THAP11: variants seen among roughly 807,000 people sequenced by gnomAD.
The protein encoded by THAP11 is THAP domain-containing protein 11.
Under a neutral mutation model 24.1 loss-of-function variants are expected in THAP11, and 8 were observed. That is an observed-to-expected ratio of 0.33 (90% confidence interval 0.20 to 0.60). The LOEUF (loss-of-function observed/expected upper bound fraction) is 0.60, where lower values mean the gene tolerates loss of function less well. Among genes scored for constraint, THAP11 ranks in the 20% least tolerant of loss-of-function variants. The pLI, the probability that THAP11 is intolerant of heterozygous loss-of-function variation, is 0.82. For missense variants in THAP11, 276 were observed against 418.4 expected (o/e 0.66, Z 2.97); for synonymous variants, 222 against 180.2 (o/e 1.23, Z -1.86).
In THAP11 at chr16:67,842,895, A is replaced by G; in HGVS notation, c.341A>G (p.Gln114Arg). Residue 114 changes from glutamine to arginine, a missense_variant, in exon 1 of 1, where the codon CAG becomes CGG. Gln to Arg is a conservative substitution (Grantham distance 43). This residue lies in a region of THAP11 where 210 missense variants were observed against 203.4 expected (regional missense o/e 1.03). Coordinates refer to ENST00000303596, the MANE Select transcript of THAP11 (RefSeq NM_020457.3). This position sits in a 1 kb window ranked among gnomAD's most constrained non-coding sequence, Gnocchi z 4.9. ...CAGCAACAGCAGCAGCAGCAGCAAC[A>G]GCAGCAACAGCAGCAGCAGCAGCAA... ...QQQQQQQQQQ[Q>R]QQQQQQQQQQ... 1.3e-6 allele frequency: 2 copies of G among 1,587,310 alleles called. No homozygotes were observed. Among genetic ancestry groups the G allele is most frequent in the African/African-American group, 1.4e-5 (1 of 71,242 alleles).
Position 67,842,714 on chromosome 16 carries a change from CCCA to C in THAP11, c.165_167del (p.Thr56del). Reference sequence around the variant, plus strand: ...CAGTGGGTGCTTCTCCACCTTCCAGCCCACCACAGGCCACCGTCTCTGCAGCGT... The same window carrying C: ...CAGTGGGTGCTTCTCCACCTTCCAGCCCACAGGCCACCGTCTCTGCAGCGT... On this transcript the variant is annotated inframe_deletion, in exon 1 of 1. Coordinates refer to ENST00000303596, the MANE Select transcript of THAP11 (RefSeq NM_020457.3). This position sits in a 1 kb window ranked among gnomAD's most constrained non-coding sequence, Gnocchi z 4.9. 6.2e-7 allele frequency: 1 copy of C among 1,604,236 alleles called. No individual in the cohort carries two copies. Among genetic ancestry groups the C allele is most frequent in the East Asian group, 2.3e-5 (1 of 44,204 alleles).
At position 67,842,698 on chromosome 16, in the gene THAP11, C is replaced by T. The variant is rs754046362; in HGVS notation, c.144C>T (p.Cys48=). The T allele has an allele frequency of 4.4e-6, 7 of 1,596,302 alleles. No homozygotes were observed. In the South Asian group the frequency reaches 7.9e-5, roughly 18 times the overall value. Residue 48 remains cysteine (C), a synonymous_variant, in exon 1 of 1, where the codon TGC becomes TGT. Transcript: ENST00000303596. The surrounding 1 kb of genome is among the most constrained non-coding windows in gnomAD (Gnocchi z 4.9). ...TGTCGCGTGCCGGCGTCAGTGGGTG[C>T]TTCTCCACCTTCCAGCCCACCACAG... The part of the protein sequence containing the change: ...KNVSRAGVSG[C]FSTFQPTTGH...
chr16:67,842,920 ACAG>A lies in THAP11; in HGVS notation c.394_396del (p.Gln132del), dbSNP rs377516180. ...AGCAGCAACAGCAGCAGCAGCAGCAACAGCAGCAGCAGCAGCAGCAGCAGCAGC... is the reference window on the plus strand; with the variant it reads ...AGCAGCAACAGCAGCAGCAGCAGCAACAGCAGCAGCAGCAGCAGCAGCAGC... On this transcript the variant is annotated inframe_deletion, in exon 1 of 1. Coordinates refer to ENST00000303596, the MANE Select transcript of THAP11 (RefSeq NM_020457.3). The surrounding 1 kb of genome is among the most constrained non-coding windows in gnomAD (Gnocchi z 4.9). 264,248 of 1,303,228 alleles carry A rather than the reference ACAG, an allele frequency of 0.2. 12,780 individuals are homozygous for A. Among genetic ancestry groups the A allele is most frequent in the African/African-American group, 0.44 (30,571 of 69,248 alleles). The allele number at this position is 1,303,228 out of a possible 1,614,324, so 80.7% of individuals were successfully genotyped here. A position where few individuals can be genotyped will look rare whatever the true frequency, so the allele number is the denominator to read the frequency against.
At position 67,842,707 on chromosome 16, in the gene THAP11, C is replaced by G; in HGVS notation, c.153C>G (p.Thr51=). 1 of 1,602,044 alleles carries G rather than the reference C, an allele frequency of 6.2e-7. No individual in the cohort carries two copies. The highest frequency in any genetic ancestry group is 8.5e-7 in the Non-Finnish European group (1 of 1,174,360). Residue 51 remains threonine (T), a synonymous_variant, in exon 1 of 1, where the codon ACC becomes ACG. Coordinates refer to ENST00000303596, the MANE Select transcript of THAP11 (RefSeq NM_020457.3). This position sits in a 1 kb window ranked among gnomAD's most constrained non-coding sequence, Gnocchi z 4.9. The part of the protein sequence containing the change: ...SRAGVSGCFS[T]FQPTTGHRLC... ...CCGGCGTCAGTGGGTGCTTCTCCAC[C>G]TTCCAGCCCACCACAGGCCACCGTC...
chr16:67,843,250 A>G lies in THAP11; in HGVS notation c.696A>G (p.Val232=). 6.2e-7 allele frequency: 1 copy of G among 1,612,382 alleles called. No individual in the cohort carries two copies. The highest frequency in any genetic ancestry group is 1.3e-5 in the African/African-American group (1 of 75,040). ...CTATGGGCCCCCAGTTGGTGGTGGT[A>G]GGGGAAGAGGGCTTCCCTGATACTG... ...ECPMGPQLVV[V]GEEGFPDTGS... The change falls in exon 1 of 1, where the codon GTA becomes GTG. Residue 232 remains valine (V), a synonymous_variant. Transcript: ENST00000303596. The surrounding 1 kb of genome is among the most constrained non-coding windows in gnomAD (Gnocchi z 5.7).
rs1294275858 is a variant in THAP11, at chr16:67,842,857, C to T, written c.303C>T (p.Arg101=). 9 of 1,608,824 alleles carry T rather than the reference C, an allele frequency of 5.6e-6. No individual in the cohort carries two copies. The highest frequency in any genetic ancestry group is 6.8e-6 in the Non-Finnish European group (8 of 1,178,166). ...ARRPAGAAAA[R]RRQQQQQQQQ... is the part of the protein sequence containing the mutation. ...GACCCGCTGGGGCCGCGGCCGCCCG[C>T]CGCAGGCAGCAGCAGCAACAGCAGC... Residue 101 remains arginine (R), a synonymous_variant, in exon 1 of 1, where the codon CGC becomes CGT. Coordinates refer to ENST00000303596, the MANE Select transcript of THAP11 (RefSeq NM_020457.3). This position sits in a 1 kb window ranked among gnomAD's most constrained non-coding sequence, Gnocchi z 4.9.
chr16:67,842,971 T>C lies in THAP11; in HGVS notation c.417T>C (p.Thr139=), dbSNP rs2057775390. 6.2e-7 allele frequency: 1 copy of C among 1,608,196 alleles called. No homozygotes were observed. Among genetic ancestry groups the C allele is most frequent in the African/African-American group, 1.3e-5 (1 of 74,694 alleles). The change falls in exon 1 of 1, where the codon ACT becomes ACC. Residue 139 remains threonine (T), a synonymous_variant. Coordinates refer to ENST00000303596, the MANE Select transcript of THAP11 (RefSeq NM_020457.3). The surrounding 1 kb of genome is among the most constrained non-coding windows in gnomAD (Gnocchi z 4.9). Reference sequence around the variant, plus strand: ...AGCAGTCCTCACCCTCTGCCTCCACTGCCCAGACTGCCCAGCTGCAGCCGA... The same window carrying C: ...AGCAGTCCTCACCCTCTGCCTCCACCGCCCAGACTGCCCAGCTGCAGCCGA... ...QQQQSSPSAS[T]AQTAQLQPNL... is the part of the protein sequence containing the mutation.
In THAP11 at chr16:67,842,566, T is replaced by C. The variant is rs1174682205; in HGVS notation, c.12T>C (p.Phe4=). The C allele has an allele frequency of 2.0e-6, 3 of 1,534,140 alleles. No individual in the cohort carries two copies. The highest frequency in any genetic ancestry group is 2.6e-6 in the Non-Finnish European group (3 of 1,136,708). The change falls in exon 1 of 1, where the codon TTT becomes TTC. Residue 4 remains phenylalanine (F), a synonymous_variant. Coordinates refer to ENST00000303596, the MANE Select transcript of THAP11 (RefSeq NM_020457.3). This position sits in a 1 kb window ranked among gnomAD's most constrained non-coding sequence, Gnocchi z 4.9. ...CGCGCGGCGCAGCCATGCCTGGCTTTACGTGCTGCGTGCCAGGCTGCTACA... is the reference window on the plus strand; with the variant it reads ...CGCGCGGCGCAGCCATGCCTGGCTTCACGTGCTGCGTGCCAGGCTGCTACA... MPG[F]TCCVPGCYNN...
Position 67,843,655 on chromosome 16 carries a change from T to C in THAP11, c.*156T>C. 4 of 727,150 alleles carry C rather than the reference T, an allele frequency of 5.5e-6. No individual in the cohort carries two copies. Among genetic ancestry groups the C allele is most frequent in the Non-Finnish European group, 8.9e-6 (4 of 447,936 alleles). 45.0% of individuals were successfully genotyped at this position (727,150 alleles called of 1,614,324 possible). On this transcript the variant is annotated 3_prime_UTR_variant, in exon 1 of 1. Transcript: ENST00000303596. This position sits in a 1 kb window ranked among gnomAD's most constrained non-coding sequence, Gnocchi z 5.7. ...GCTGGTGACCTGGCATCCTCAATTG[T>C]TTCCTCCTGAAGTGGAAGCTGGGGC...
In THAP11 at chr16:67,843,651, A is replaced by G. The variant is rs573372884; in HGVS notation, c.*152A>G. The G allele has an allele frequency of 8.4e-5, 63 of 748,096 alleles. No individual in the cohort carries two copies. The highest frequency in any genetic ancestry group is 7.0e-4 in the African/African-American group (39 of 56,094). 46.3% of individuals were successfully genotyped at this position (748,096 alleles called of 1,614,324 possible). On this transcript the variant is annotated 3_prime_UTR_variant, in exon 1 of 1. Coordinates refer to ENST00000303596, the MANE Select transcript of THAP11 (RefSeq NM_020457.3). The surrounding 1 kb of genome is among the most constrained non-coding windows in gnomAD (Gnocchi z 5.7). ...TCTTGCTGGTGACCTGGCATCCTCA[A>G]TTGTTTCCTCCTGAAGTGGAAGCTG...
chr16:67,843,002 G>C lies in THAP11; in HGVS notation c.448G>C (p.Val150Leu), dbSNP rs1239114881. The C allele has an allele frequency of 6.2e-6, 10 of 1,612,500 alleles. No homozygotes were observed. In the Admixed American group the frequency reaches 1.7e-4, roughly 27 times the overall value. ...AQTAQLQPNL[V>L]SASAAVLLTL... ...GACTGCCCAGCTGCAGCCGAACCTGGTATCTGCTTCCGCGGCCGTGCTTCT... is the reference window on the plus strand; with the variant it reads ...GACTGCCCAGCTGCAGCCGAACCTGCTATCTGCTTCCGCGGCCGTGCTTCT... The change falls in exon 1 of 1, where the codon GTA (valine) becomes CTA (leucine). Residue 150 changes from valine to leucine, a missense_variant. Val to Leu is a conservative substitution (Grantham distance 32). Coordinates refer to ENST00000303596, the MANE Select transcript of THAP11 (RefSeq NM_020457.3). This position sits in a 1 kb window ranked among gnomAD's most constrained non-coding sequence, Gnocchi z 5.7.
At position 67,842,475 on chromosome 16, in the gene THAP11, G is replaced by C. The variant is rs1366758285; in HGVS notation, c.-80G>C. 3.4e-6 allele frequency: 4 copies of C among 1,163,608 alleles called. No homozygotes were observed. Among genetic ancestry groups the C allele is most frequent in the Non-Finnish European group, 4.4e-6 (4 of 918,628 alleles). 72.1% of individuals were successfully genotyped at this position (1,163,608 alleles called of 1,614,324 possible). On this transcript the variant is annotated 5_prime_UTR_variant, in exon 1 of 1. Coordinates refer to ENST00000303596, the MANE Select transcript of THAP11 (RefSeq NM_020457.3). The surrounding 1 kb of genome is among the most constrained non-coding windows in gnomAD (Gnocchi z 4.9). ...GGCCTCGCGCGGCGCCGCCCGTCGA[G>C]GGGCGGGCGGCGGCGTAGCCACTGG...
Position 67,842,767 on chromosome 16 carries a change from C to T in THAP11, c.213C>T (p.Thr71=). 6.2e-7 allele frequency: 1 copy of T among 1,610,632 alleles called. No individual in the cohort carries two copies. The change falls in exon 1 of 1, where the codon ACC becomes ACT. Residue 71 remains threonine (T), a synonymous_variant. Transcript: ENST00000303596. The surrounding 1 kb of genome is among the most constrained non-coding windows in gnomAD (Gnocchi z 4.9). ...TTCACTTCCAGGGCGGCCGCAAGAC[C>T]TACACGGTACGCGTCCCCACCATCT... ...CSVHFQGGRK[T]YTVRVPTIFP...
Position 67,842,839 on chromosome 16 carries a change from T to TGGGGCC in THAP11, c.287_292dup (p.Gly96_Ala97dup), listed in dbSNP as rs759655684. The stretch of plus-strand genomic sequence containing the variant: ...AGCGCAAAGTAGCGCGCAGACCCGC[T>TGGGGCC]GGGGCCGCGGCCGCCCGCCGCAGGC... On this transcript the variant is annotated inframe_insertion, in exon 1 of 1. Transcript: ENST00000303596. The surrounding 1 kb of genome is among the most constrained non-coding windows in gnomAD (Gnocchi z 4.9). 8.7e-6 allele frequency: 14 copies of TGGGGCC among 1,601,692 alleles called. No individual in the cohort carries two copies. In the South Asian group the frequency reaches 1.2e-4, roughly 14 times the overall value.
chr16:67,842,831 A>G lies in THAP11; in HGVS notation c.277A>G (p.Arg93Gly). The change falls in exon 1 of 1, where the codon AGA (arginine) becomes GGA (glycine). Residue 93 changes from arginine to glycine, a missense_variant. By Grantham distance (125) the Arg-to-Gly change is moderately radical. This residue lies in a region of THAP11 where 210 missense variants were observed against 203.4 expected (regional missense o/e 1.03). Transcript: ENST00000303596. The surrounding 1 kb of genome is among the most constrained non-coding windows in gnomAD (Gnocchi z 4.9). ...RGVNERKVARRPAGAAAARRR... is the reference protein window; with the variant it reads ...RGVNERKVARGPAGAAAARRR... ...CGTCAATGAGCGCAAAGTAGCGCGC[A>G]GACCCGCTGGGGCCGCGGCCGCCCG... is the stretch of plus-strand genomic sequence containing the variant. 1 of 1,609,168 alleles carries G rather than the reference A, an allele frequency of 6.2e-7. No homozygotes were observed. Among genetic ancestry groups the G allele is most frequent in the South Asian group, 1.1e-5 (1 of 90,914 alleles).
Position 67,842,992 on chromosome 16 carries a change from G to C in THAP11, c.438G>C (p.Gln146His). 6.2e-7 allele frequency: 1 copy of C among 1,612,476 alleles called. No individual in the cohort carries two copies. The highest frequency in any genetic ancestry group is 8.5e-7 in the Non-Finnish European group (1 of 1,180,026). Residue 146 changes from glutamine (Q) to histidine (H), a missense_variant, in exon 1 of 1, where the codon CAG (glutamine) becomes CAC (histidine). Physicochemically the swap from Gln to His is conservative, Grantham distance 24. Coordinates refer to ENST00000303596, the MANE Select transcript of THAP11 (RefSeq NM_020457.3). This position sits in a 1 kb window ranked among gnomAD's most constrained non-coding sequence, Gnocchi z 4.9. ...SASTAQTAQL[Q>H]PNLVSASAAV... is the part of the protein sequence containing the mutation. ...CCACTGCCCAGACTGCCCAGCTGCA[G>C]CCGAACCTGGTATCTGCTTCCGCGG...
Position 67,842,457 on chromosome 16 carries a change from C to A in THAP11, c.-98C>A. The A allele has an allele frequency of 8.0e-6, 8 of 1,004,428 alleles. No individual in the cohort carries two copies. Among genetic ancestry groups the A allele is most frequent in the Non-Finnish European group, 1.0e-5 (8 of 782,750 alleles). 62.2% of individuals were successfully genotyped at this position (1,004,428 alleles called of 1,614,324 possible). ...TGGTGGGATACCACCCAAGGCCTCGCGCGGCGCCGCCCGTCGAGGGGCGGG... is the reference window on the plus strand; with the variant it reads ...TGGTGGGATACCACCCAAGGCCTCGAGCGGCGCCGCCCGTCGAGGGGCGGG... On this transcript the variant is annotated 5_prime_UTR_variant, in exon 1 of 1. Transcript: ENST00000303596. This position sits in a 1 kb window ranked among gnomAD's most constrained non-coding sequence, Gnocchi z 4.9.
chr16:67,842,928 AG>A lies in THAP11; in HGVS notation c.375del (p.Gln125HisfsTer40). ...QQQQQQQQQQ[Q>X]QQQQQQQSSP... ...CAGCAGCAGCAGCAGCAACAGCAGC[AG>A]CAGCAGCAGCAGCAGCAGCAGTCCT... On this transcript the variant is annotated frameshift_variant, in exon 1 of 1. Coordinates refer to ENST00000303596, the MANE Select transcript of THAP11 (RefSeq NM_020457.3). LOFTEE classifies it high-confidence loss of function. The surrounding 1 kb of genome is among the most constrained non-coding windows in gnomAD (Gnocchi z 4.9). 1 of 1,592,952 alleles carries A rather than the reference AG, an allele frequency of 6.3e-7. No individual in the cohort carries two copies.
chr16:67,842,893 A>AGCAGCAG lies in THAP11; in HGVS notation c.339_340insGCAGCAG (p.Gln114AlafsTer128). 1 of 1,585,552 alleles carries AGCAGCAG rather than the reference A, an allele frequency of 6.3e-7. No individual in the cohort carries two copies. Among genetic ancestry groups the AGCAGCAG allele is most frequent in the Admixed American group, 1.7e-5 (1 of 59,014 alleles). On this transcript the variant is annotated frameshift_variant, in exon 1 of 1. Transcript: ENST00000303596. LOFTEE classifies it high-confidence loss of function. The surrounding 1 kb of genome is among the most constrained non-coding windows in gnomAD (Gnocchi z 4.9). Reference sequence around the variant, plus strand: ...AGCAGCAACAGCAGCAGCAGCAGCAACAGCAGCAACAGCAGCAGCAGCAGC... The same window carrying AGCAGCAG: ...AGCAGCAACAGCAGCAGCAGCAGCAAGCAGCAGCAGCAGCAACAGCAGCAGCAGCAGC...
Sources: allele counts gnomAD v4.1 joint callset, GRCh38; gene constraint gnomAD v4.1.1; regional missense constraint gnomAD v4.1.1; non-coding constraint Gnocchi (gnomAD v3.1); transcripts MANE v1.5; gene names NCBI Gene and HGNC (gene_info 2026-07-23, HGNC 2026-07-21).